NCLN: variants seen among roughly 807,000 people sequenced by gnomAD.
The protein encoded by NCLN is nicalin.
In NCLN, 34 loss-of-function variants were observed where a neutral mutation model predicts 69.5. The observed-to-expected ratio is 0.49, with a 90% CI of 0.37 to 0.65. The LOEUF (loss-of-function observed/expected upper bound fraction) is 0.65. Among genes scored for constraint, NCLN ranks in the 30% least tolerant of loss-of-function variants. The pLI is 0.00. For synonymous variants in NCLN, 393 were observed against 358.3 expected (o/e 1.10, Z -1.09); for missense variants, 710 against 804.8 (o/e 0.88, Z 1.42).
At chr19:3,199,499 G>A (rs1009014087) in intron 5 of NCLN, among the ~76,000 whole-genome samples, 1 of 152,218 alleles carries the variant, frequency 6.6e-6, no homozygotes, top group African/African-American at 2.4e-5. Flanking sequence ...AGCAGGGCCC[G>A]TGTGTAAACC....
intron 1 of NCLN, among the ~76,000 whole-genome samples, chr19:3,189,837 G>A (rs970543576): frequency 3.3e-5 from 5 of 152,232 alleles, no homozygotes; most frequent in African/African-American, 4.8e-5. Flanking sequence ...GCGAGCGGGG[G>A]CTGGGATCCA....
rs1915658816 is a variant in NCLN at position 3,186,038 on chromosome 19, A to C, written c.8A>C (p.Glu3Ala). 13 of 1,573,790 alleles carry C rather than the reference A, an allele frequency of 8.3e-6. No homozygotes were observed. The highest frequency in any genetic ancestry group is 9.4e-6 in the Non-Finnish European group (11 of 1,164,360). ML[E>A]EAGEVLENML... ...GCCCCGCCGCCGGCCAGGATGCTGG[A>C]GGAAGCGGGCGAGGTGCTGGAGAAC... is the stretch of plus-strand genomic sequence containing the variant. Residue 3 changes from glutamate (E) to alanine (A), a missense_variant, in exon 1 of 15, where the codon GAG (glutamate) becomes GCG (alanine). Glu to Ala is a moderately radical substitution (Grantham distance 107). Coordinates refer to ENST00000246117, the MANE Select transcript of NCLN (RefSeq NM_020170.4).
chr19:3,196,171 C>T lies in NCLN; in HGVS notation c.521-12C>T, dbSNP rs749352174. On this transcript the variant is annotated splice_polypyrimidine_tract_variant and intron_variant, in intron 3 of 14. Transcript: ENST00000246117. ...CTGGGCCAAGGCTGATGCGCCCTCTCCCTCTCCCTAGTACTGCTGCGCACG... is the reference window on the plus strand; with the variant it reads ...CTGGGCCAAGGCTGATGCGCCCTCTTCCTCTCCCTAGTACTGCTGCGCACG... 181 of 1,516,626 alleles carry T rather than the reference C, an allele frequency of 1.2e-4. No homozygotes were observed. Among genetic ancestry groups the T allele is most frequent in the Non-Finnish European group, 1.5e-4 (165 of 1,134,556 alleles). The allele number at this position is 1,516,626 out of a possible 1,614,324, so 93.9% of individuals were successfully genotyped here.
chr19:3,197,838 C>G (rs1280553045), intron 4 of NCLN, among the ~76,000 whole-genome samples: 2 of 152,302 alleles, frequency 1.3e-5, no homozygotes, highest in Admixed American at 6.5e-5. Context: ...CCAGGCTGGT[C>G]TGGAACTCCT....
chr19:3,190,430 C>A (rs1194178726), intron 1 of NCLN, among the ~76,000 whole-genome samples: 2 of 152,202 alleles, frequency 1.3e-5, no homozygotes, highest in South Asian at 2.1e-4. Flanking sequence ...TCCCCCCATG[C>A]ACCCAGCTCA....
At chr19:3,192,147 T>C (rs1324018972) in intron 1 of NCLN, among the ~76,000 whole-genome samples, 2 of 152,200 alleles carry the variant, frequency 1.3e-5, no homozygotes, top group Non-Finnish European at 1.5e-5. Flanking sequence ...GAGATTGTGC[T>C]GCTGCACTCC....
Position 3,207,322 on chromosome 19 carries a change from C to G in NCLN, c.1554-69C>G, listed in dbSNP as rs368220614. The G allele has an allele frequency of 1.4e-5, 22 of 1,612,162 alleles. No homozygotes were observed. The East Asian group carries it at 4.9e-4, about 36-fold the overall frequency. ...TTACAGCCGAGGGGACTGCGGCCCACGGGGGTCTAGGGGTTCATGTTACTG... is the reference window on the plus strand; with the variant it reads ...TTACAGCCGAGGGGACTGCGGCCCAGGGGGGTCTAGGGGTTCATGTTACTG... On this transcript the variant is annotated intron_variant, in intron 13 of 14. Transcript: ENST00000246117.
In NCLN at chr19:3,186,186, G is replaced by A; in HGVS notation, c.156G>A (p.Gln52=). The change falls in exon 1 of 15, where the codon CAG becomes CAA. Residue 52 remains glutamine (Q), a synonymous_variant. Coordinates refer to ENST00000246117, the MANE Select transcript of NCLN (RefSeq NM_020170.4). The part of the protein sequence containing the change: ...AAHEFTVYRM[Q]QYDLQGQPYG... ...ACGAGTTCACCGTGTACCGCATGCAGCAGTACGACCTGCAGGGCCAGCCCT... is the reference window on the plus strand; with the variant it reads ...ACGAGTTCACCGTGTACCGCATGCAACAGTACGACCTGCAGGGCCAGCCCT... 1.3e-6 allele frequency: 2 copies of A among 1,582,688 alleles called. No homozygotes were observed.
At position 3,196,296 on chromosome 19, in the gene NCLN, G is replaced by A. The variant is rs977755186; in HGVS notation, c.615+19G>A. The A allele has an allele frequency of 1.4e-5, 21 of 1,521,620 alleles. No individual in the cohort carries two copies. Among genetic ancestry groups the A allele is most frequent in the Middle Eastern group, 3.4e-4 (2 of 5,906 alleles). The allele number at this position is 1,521,620 out of a possible 1,614,324, so 94.3% of individuals were successfully genotyped here. A position where few individuals can be genotyped will look rare whatever the true frequency, so the allele number is the denominator to read the frequency against. Reference sequence around the variant, plus strand: ...CGTGGAGGTGAGTGCCGCCTGCCCCGGAGCCAGCCCCACGTCCCCAGGGGT... The same window carrying A: ...CGTGGAGGTGAGTGCCGCCTGCCCCAGAGCCAGCCCCACGTCCCCAGGGGT... On this transcript the variant is annotated intron_variant, in intron 4 of 14. Transcript: ENST00000246117.
intron 5 of NCLN, among the ~76,000 whole-genome samples, chr19:3,199,883 G>T (rs1279988771): frequency 6.6e-6 from 1 of 151,482 alleles, no homozygotes; most frequent in Non-Finnish European, 1.5e-5. Flanking sequence ...TTTATTTTTA[G>T]TAGAGACGGG....
intron 1 of NCLN, among the ~76,000 whole-genome samples, chr19:3,186,566 C>T (rs1304320689): frequency 1.3e-5 from 2 of 152,210 alleles, no homozygotes; most frequent in African/African-American, 4.8e-5. Flanking sequence ...CCGAGTTTCT[C>T]CCTCCTGGGC....
intron 5 of NCLN, among the ~76,000 whole-genome samples, chr19:3,200,132 C>A (rs1037277334): frequency 3.9e-5 from 6 of 152,006 alleles, no homozygotes; most frequent in Admixed American, 3.9e-4. Context: ...TCCCGCTGGG[C>A]CCACACAAAC....
chr19:3,205,002 C>T lies in NCLN; in HGVS notation c.1208+251C>T, dbSNP rs1158202227. ...CATATAGGACCCCCAGACCCCGTCA[C>T]CTGTTGAGTTAGGAGCAAGCAGCTC... On this transcript the variant is annotated intron_variant, in intron 9 of 14. Transcript: ENST00000246117. This position sits in a 1 kb window ranked among gnomAD's most constrained non-coding sequence, Gnocchi z 4.6. 6.6e-6 allele frequency among the ~76,000 whole-genome samples: 1 copy of T among 152,210 alleles called. No homozygotes were observed. Among genetic ancestry groups the T allele is most frequent in the Non-Finnish European group, 1.5e-5 (1 of 68,012 alleles).
rs537848214 is a variant in NCLN at position 3,186,232 on chromosome 19, A to C, written c.184+18A>C. On this transcript the variant is annotated intron_variant, in intron 1 of 14. Transcript: ENST00000246117. ...GCCCTACGGTGCGTGTCCCCGGCCC[A>C]CCCTCGGGGCTCCCCGGGCTCCCCG... The C allele has an allele frequency of 6.8e-7, 1 of 1,468,984 alleles. No homozygotes were observed. The highest frequency in any genetic ancestry group is 9.0e-7 in the Non-Finnish European group (1 of 1,110,718). 91.0% of individuals were successfully genotyped at this position (1,468,984 alleles called of 1,614,324 possible).
chr19:3,201,782 A>T (rs111940907), intron 6 of NCLN, among the ~76,000 whole-genome samples, 156 bp downstream of exon 6: 11 of 152,302 alleles, frequency 7.2e-5, no homozygotes, highest in African/African-American at 2.2e-4. Context: ...TCGAGGGCTA[A>T]GCTGAGCCCT....
In NCLN at chr19:3,194,832, C is replaced by T. The variant is rs574750125; in HGVS notation, c.521-1351C>T. On this transcript the variant is annotated intron_variant, in intron 3 of 14. Transcript: ENST00000246117. ...GTGGCACAATCTTAGCTCACTGCAA[C>T]CTGAAGGAGGAATCTTCTACTTGGT... is the stretch of plus-strand genomic sequence containing the variant. Among the ~76,000 whole-genome samples, 506 of 147,068 alleles carry T rather than the reference C, an allele frequency of 3.4e-3. 6 individuals are homozygous for T. Among genetic ancestry groups the T allele is most frequent in the African/African-American group, 0.012 (482 of 40,070 alleles).
intron 8 of NCLN, 28 bp downstream of exon 8, chr19:3,204,172 G>A (rs752399070): frequency 1.0e-5 from 15 of 1,492,584 alleles, no homozygotes; most frequent in Admixed American, 4.7e-5. Context: ...GGATGGGTCC[G>A]GAGCTCTGCG....
chr19:3,193,631 G>T (rs1178950143), intron 3 of NCLN, among the ~76,000 whole-genome samples: 1 of 152,240 alleles, frequency 6.6e-6, no homozygotes, highest in Non-Finnish European at 1.5e-5. Context: ...CTGCATTTTT[G>T]CAGCCGCCTG....
rs760023209 is a variant in NCLN at position 3,198,804 on chromosome 19, T to A, written c.616-13T>A. The A allele has an allele frequency of 1.3e-6, 2 of 1,576,890 alleles. No individual in the cohort carries two copies. The highest frequency in any genetic ancestry group is 1.7e-4 in the Middle Eastern group (1 of 5,952). ...AGGAACAGCCAGGCCATTCCCCTGC[T>A]CTCTATCCACAGGGGCGGCTGACGG... On this transcript the variant is annotated splice_polypyrimidine_tract_variant and intron_variant, in intron 4 of 14. Coordinates refer to ENST00000246117, the MANE Select transcript of NCLN (RefSeq NM_020170.4).
Sources: allele counts gnomAD v4.1 joint callset (sites outside exome capture counted in the v4.1 genomes callset), GRCh38; gene constraint gnomAD v4.1.1; non-coding constraint Gnocchi (gnomAD v3.1); transcripts MANE v1.5; gene names NCBI Gene and HGNC (gene_info 2026-07-23, HGNC 2026-07-21).